Variants in LSG1 observed in about 807,000 individuals in gnomAD.
LSG1 encodes large 60S subunit nuclear export GTPase 1, also known as large subunit GTPase 1 homolog.
In LSG1, 55 loss-of-function variants were observed where a neutral mutation model predicts 82.6. That is an observed-to-expected ratio of 0.67 (90% CI 0.54 to 0.83). The LOEUF is 0.83. LSG1 is among the 40% of genes least tolerant of loss of function. The probability of loss-of-function intolerance (pLI) is 0.00; values close to 1 mark genes in which losing one functional copy is unlikely to be tolerated. For missense variants in LSG1, 809 were observed against 807.9 expected (o/e 1.00, Z -0.02); for synonymous variants, 272 against 282.5 (o/e 0.96, Z 0.37).
chr3:194,666,668 C>T (rs1196746372), intron 2 of LSG1, 96 bp from the exon 3 acceptor site: 1 of 993,262 alleles, frequency 1.0e-6, no homozygotes, highest in South Asian at 1.7e-5. Flanking sequence ...AAATGAGAGC[C>T]TAAGAGAACT....
intron 2 of LSG1, among the ~76,000 whole-genome samples, chr3:194,669,161 A>G (rs543006092): frequency 3.9e-5 from 6 of 152,332 alleles, no homozygotes; most frequent in Admixed American, 2.0e-4. Flanking sequence ...TTATTAGTTA[A>G]TAATATGAAA....
intron 6 of LSG1, among the ~76,000 whole-genome samples, chr3:194,659,668 T>C (rs1718882236): frequency 1.3e-5 from 2 of 152,244 alleles, no homozygotes; most frequent in Non-Finnish European, 2.9e-5. Flanking sequence ...CTTAGTTCAC[T>C]TGTAAAATAC....
At chr3:194,662,509 C>T (rs1718953463) in intron 5 of LSG1, among the ~76,000 whole-genome samples, 1 of 152,120 alleles carries the variant, frequency 6.6e-6, no homozygotes, top group Admixed American at 6.5e-5. Flanking sequence ...ATGCCTGTAA[C>T]CCCAGCACTT....
chr3:194,664,759 CA>C (rs879924796), intron 5 of LSG1, among the ~76,000 whole-genome samples: 28 of 144,182 alleles, frequency 1.9e-4, no homozygotes, highest in South Asian at 2.2e-4. Flanking sequence ...ACTAAAAATA[CA>C]AAAAAAAAAA....
intron 5 of LSG1, among the ~76,000 whole-genome samples, chr3:194,662,920 G>A (rs1718963058): frequency 6.6e-6 from 1 of 152,150 alleles, no homozygotes; most frequent in South Asian, 2.1e-4. Context: ...ACCTAAACAG[G>A]CAGGCTTGTC....
chr3:194,660,002 T>C, intron 6 of LSG1, 71 bp downstream of exon 6: 2 of 1,310,680 alleles, frequency 1.5e-6, no homozygotes, highest in Non-Finnish European at 2.2e-6. Context: ...CCTACAGTCA[T>C]TGCTGAGGGA....
chr3:194,669,608 T>TA (rs911689323), intron 2 of LSG1, among the ~76,000 whole-genome samples: 5 of 152,292 alleles, frequency 3.3e-5, no homozygotes, highest in African/African-American at 1.2e-4. Flanking sequence ...TAAAAGGTCT[T>TA]ATCTCATCTG....
rs1331818282 is a variant in LSG1 at position 194,646,260 on chromosome 3, AT to A, written c.1544-18del. 5.0e-6 allele frequency: 8 copies of A among 1,611,672 alleles called. No homozygotes were observed. The highest frequency in any genetic ancestry group is 3.3e-5 in the Admixed American group (2 of 59,938). On this transcript the variant is annotated intron_variant, in intron 11 of 13. Coordinates refer to ENST00000265245, the MANE Select transcript of LSG1 (RefSeq NM_018385.3). ...CTCGCATGTCTGTGGAGAGAAAAGA[AT>A]TTTGCAAAATCTTAGATGACAGAAT...
Position 194,660,081 on chromosome 3 carries a change from C to G in LSG1, c.574G>C (p.Glu192Gln). The G allele has an allele frequency of 6.2e-7, 1 of 1,613,936 alleles. No homozygotes were observed. ...DARNPLLFRCEDLECYVKEMD... is the reference protein window; with the variant it reads ...DARNPLLFRCQDLECYVKEMD... Reference sequence around the variant, plus strand: ...TGTCAAACTTGACTTACCAAATCCTCACATCTAAACAGGAGTGGGTTTCGA... The same window carrying G: ...TGTCAAACTTGACTTACCAAATCCTGACATCTAAACAGGAGTGGGTTTCGA... Residue 192 changes from glutamate to glutamine, a missense_variant, in exon 6 of 14, where the codon GAG becomes CAG. Physicochemically the swap from Glu to Gln is conservative, Grantham distance 29. Coordinates refer to ENST00000265245, the MANE Select transcript of LSG1 (RefSeq NM_018385.3).
At chr3:194,658,875 TA>T in intron 7 of LSG1, 81 bp downstream of exon 7, 2 of 1,353,272 alleles carry the variant, frequency 1.5e-6, no homozygotes, top group South Asian at 1.4e-5. Context: ...TCCATAAGAA[TA>T]AACAAAACAC....
chr3:194,671,468 T>C (rs1283219981), intron 1 of LSG1, among the ~76,000 whole-genome samples: 1 of 152,144 alleles, frequency 6.6e-6, no homozygotes, highest in Non-Finnish European at 1.5e-5. Flanking sequence ...TTCTCATTCA[T>C]TCCCGGGGGA....
In LSG1 at chr3:194,644,391, T is replaced by TAA. The variant is rs1560218840; in HGVS notation, c.1797+180_1797+181dup. Among the ~76,000 whole-genome samples, 59 of 73,786 alleles carry TAA rather than the reference T, an allele frequency of 8.0e-4. 3 individuals are homozygous for TAA. Among genetic ancestry groups the TAA allele is most frequent in the Admixed American group, 2.2e-3 (16 of 7,274 alleles). The allele number at this position is 73,786 out of a possible 152,430, so 48.4% of individuals were successfully genotyped here. A position where few individuals can be genotyped will look rare whatever the true frequency, so the allele number is the denominator to read the frequency against. On this transcript the variant is annotated intron_variant, in intron 13 of 13. Coordinates refer to ENST00000265245, the MANE Select transcript of LSG1 (RefSeq NM_018385.3). ...CTCAAAAAAAAAAAATAAAAATAAA[T>TAA]AAATAAATAAATAAATAAATAAATA... is the stretch of plus-strand genomic sequence containing the variant.
In LSG1 at chr3:194,670,087, G is replaced by A. The variant is rs1470206360; in HGVS notation, c.148C>T (p.Leu50Phe). 1 of 1,613,940 alleles carries A rather than the reference G, an allele frequency of 6.2e-7. No homozygotes were observed. Among genetic ancestry groups the A allele is most frequent in the Admixed American group, 1.7e-5 (1 of 60,020 alleles). The part of the protein sequence containing the change: ...NDGYDWGRLN[L>F]QSVTEQSSLD... ...GAGCTCTGTTCAGTCACTGACTGAA[G>A]ATTAAGACGACCCCAATCATAGCCA... The change falls in exon 2 of 14, where the codon CTT becomes TTT. Residue 50 changes from leucine (L) to phenylalanine (F), a missense_variant. By Grantham distance (22) the Leu-to-Phe change is conservative. Coordinates refer to ENST00000265245, the MANE Select transcript of LSG1 (RefSeq NM_018385.3).
intron 7 of LSG1, among the ~76,000 whole-genome samples, 157 bp from the exon 8 acceptor site, chr3:194,653,299 G>A (rs1718718713): frequency 6.6e-6 from 1 of 152,026 alleles, no homozygotes; most frequent in Admixed American, 6.6e-5. Flanking sequence ...CAGATCATTT[G>A]AGGTCAGGAG....
chr3:194,665,188 C>A (rs1274762877), intron 5 of LSG1, among the ~76,000 whole-genome samples: 1 of 152,212 alleles, frequency 6.6e-6, no homozygotes, highest in Non-Finnish European at 1.5e-5. Flanking sequence ...CTGACAGGAG[C>A]TCTGACATTC....
Position 194,641,477 on chromosome 3 carries a change from C to G in LSG1, c.*591G>C, listed in dbSNP as rs572774003. ...CCCGGTGGTTACATTCTACATGTTCCTTAGTGGACGTGAGCCCCCGCTGTA... is the reference window on the plus strand; with the variant it reads ...CCCGGTGGTTACATTCTACATGTTCGTTAGTGGACGTGAGCCCCCGCTGTA... On this transcript the variant is annotated 3_prime_UTR_variant, in exon 14 of 14. Coordinates refer to ENST00000265245, the MANE Select transcript of LSG1 (RefSeq NM_018385.3). 1 of 152,164 alleles carries G rather than the reference C, an allele frequency of 6.6e-6. No homozygotes were observed. Among genetic ancestry groups the G allele is most frequent in the Non-Finnish European group, 1.5e-5 (1 of 68,058 alleles). 9.4% of individuals were successfully genotyped at this position (152,164 alleles called of 1,614,324 possible).
rs186361698 is a variant in LSG1, at chr3:194,662,539, G to T, written c.522-2406C>A. Among the ~76,000 whole-genome samples, 306 of 152,328 alleles carry T rather than the reference G, an allele frequency of 2.0e-3. 2 individuals carry two copies. Among genetic ancestry groups the T allele is most frequent in the African/African-American group, 6.6e-3 (276 of 41,574 alleles). ...GCACTTTGGGAGGCTGAAGTGGGTGGATCACCTGAGGTCAGGAGTTCGAGA... is the reference window on the plus strand; with the variant it reads ...GCACTTTGGGAGGCTGAAGTGGGTGTATCACCTGAGGTCAGGAGTTCGAGA... On this transcript the variant is annotated intron_variant, in intron 5 of 13. Coordinates refer to ENST00000265245, the MANE Select transcript of LSG1 (RefSeq NM_018385.3).
rs750544052 is a variant in LSG1, at chr3:194,651,112, T to TA, written c.1275+2dup. On this transcript the variant is annotated splice_region_variant and intron_variant, in intron 9 of 13. Transcript: ENST00000265245. ...TGCAAGTGGCAAAGCACCACAGAAATACCTGAAAGTGCTTTGTGTGACCAG... is the reference window on the plus strand; with the variant it reads ...TGCAAGTGGCAAAGCACCACAGAAATAACCTGAAAGTGCTTTGTGTGACCAG... The TA allele has an allele frequency of 3.1e-6, 5 of 1,614,010 alleles. No individual in the cohort carries two copies. The South Asian group carries it at 4.4e-5, about 14-fold the overall frequency.
At chr3:194,665,100 G>A (rs944122102) in intron 5 of LSG1, among the ~76,000 whole-genome samples, 1 of 152,314 alleles carries the variant, frequency 6.6e-6, no homozygotes, top group African/African-American at 2.4e-5. Context: ...CTGAGTGCAA[G>A]AATTGCATGT....
Sources: gnomAD v4.1 joint callset for allele counts (sites outside exome capture counted in the v4.1 genomes callset) on GRCh38, gnomAD v4.1.1 for gene constraint, MANE v1.5 for transcripts, NCBI Gene and HGNC (gene_info 2026-07-23, HGNC 2026-07-21) for gene names.